The following ARHGAP15 variants were observed in gnomAD, a reference collection of about 807,000 sequenced individuals.
The protein encoded by ARHGAP15 is Rho GTPase activating protein 15, also known as rho GTPase-activating protein 15.
ARHGAP15 carries 51 observed loss-of-function variants against 63.7 expected under a neutral mutation model. The observed-to-expected ratio is 0.80, with a 90% CI of 0.64 to 1.01. The LOEUF (loss-of-function observed/expected upper bound fraction) is 1.01. Among genes scored for constraint, ARHGAP15 ranks in the 50% least tolerant of loss-of-function variants. The pLI is 0.00. For missense variants in ARHGAP15, 560 were observed against 564.6 expected, an observed-to-expected ratio of 0.99 and a Z score of 0.08; for synonymous variants, 191 against 193.8, an observed-to-expected ratio of 0.99 and a Z score of 0.12.
intron 6 of ARHGAP15, among the ~76,000 whole-genome samples, chr2:143,271,692 A>T (rs1020255937): frequency 8.5e-5 from 13 of 152,130 alleles, no homozygotes; most frequent in African/African-American, 3.1e-4. Flanking sequence ...TAGTCGGGAT[A>T]GTCTCGCGCT....
chr2:143,546,580 G>A (rs1695340815), intron 10 of ARHGAP15, among the ~76,000 whole-genome samples: 1 of 152,080 alleles, frequency 6.6e-6, no homozygotes, highest in Non-Finnish European at 1.5e-5. Flanking sequence ...CCACCCCACT[G>A]CTGTGTAGAT....
chr2:143,764,949 C>G (rs1210342726), intron 13 of ARHGAP15, among the ~76,000 whole-genome samples: 1 of 152,146 alleles, frequency 6.6e-6, no homozygotes, highest in Non-Finnish European at 1.5e-5. Flanking sequence ...TTGCTTCTAC[C>G]TTCTCCATGG....
intron 6 of ARHGAP15, among the ~76,000 whole-genome samples, chr2:143,346,942 TG>T (rs1470665205): frequency 1.3e-5 from 2 of 152,094 alleles, no homozygotes; most frequent in Admixed American, 1.3e-4. Context: ...CTCTACAATT[TG>T]CTTCAGGGCA....
intron 6 of ARHGAP15, among the ~76,000 whole-genome samples, chr2:143,314,107 C>A (rs1683584909): frequency 6.6e-6 from 1 of 152,194 alleles, no homozygotes; most frequent in East Asian, 1.9e-4. Context: ...AGAAATTTAA[C>A]TGGCAGCCCA....
intron 12 of ARHGAP15, among the ~76,000 whole-genome samples, chr2:143,637,674 C>T (rs1242691091): frequency 6.6e-6 from 1 of 150,466 alleles, no homozygotes; most frequent in African/African-American, 2.5e-5. Flanking sequence ...CCATTTAAAA[C>T]AATGGAGCAG....
rs1685542541 is a variant in ARHGAP15 at position 143,350,954 on chromosome 2, CT to C, written c.475-84644del. On this transcript the variant is annotated intron_variant, in intron 6 of 13. Transcript: ENST00000295095. ...GGTTCTCTTTATGTATCTTACTGGT[CT>C]TTATTAAAATATCTATTATAGTATG... is the stretch of plus-strand genomic sequence containing the variant. 3.3e-5 allele frequency: 5 copies of C among 150,126 alleles called. No individual in the cohort carries two copies. In the South Asian group the frequency reaches 1.1e-3, roughly 32 times the overall value. 9.3% of individuals were successfully genotyped at this position (150,126 alleles called of 1,614,324 possible).
At chr2:143,561,535 G>A (rs182499842) in intron 11 of ARHGAP15, among the ~76,000 whole-genome samples, 1,866 of 148,854 alleles carry the variant, frequency 0.013, 29 homozygotes, top group South Asian at 0.045. Context: ...TTTTTGAGAC[G>A]GAGTCTCGGT....
chr2:143,436,788 G>T, intron 7 of ARHGAP15, 125 bp from the exon 8 acceptor site: 1 of 869,446 alleles, frequency 1.2e-6, no homozygotes, highest in South Asian at 1.6e-5. Flanking sequence ...TAGCATAGAG[G>T]ACCTATCCTC....
intron 13 of ARHGAP15, among the ~76,000 whole-genome samples, chr2:143,745,486 C>CT (rs1321984195): frequency 6.6e-6 from 1 of 152,174 alleles, no homozygotes; most frequent in Non-Finnish European, 1.5e-5. Flanking sequence ...CACCCTCATG[C>CT]TTCCAAGAGA....
intron 7 of ARHGAP15, among the ~76,000 whole-genome samples, chr2:143,436,140 GTTC>G (rs1431961282): frequency 3.3e-5 from 5 of 151,944 alleles, no homozygotes; most frequent in African/African-American, 9.7e-5. Context: ...AAGCTAGATT[GTTC>G]TTCTTATGAA....
rs535946480 is a variant in ARHGAP15 at position 143,180,924 on chromosome 2, G to A, written c.166-21210G>A. Among the ~76,000 whole-genome samples the A allele has an allele frequency of 5.3e-5, 8 of 152,106 alleles. No homozygotes were observed. In the South Asian group the frequency reaches 1.0e-3, roughly 20 times the overall value. On this transcript the variant is annotated intron_variant, in intron 2 of 13. Transcript: ENST00000295095. Reference sequence around the variant, plus strand: ...TCCTGACCTCGTGATCCGTCGCCTCGGCCTCCCAAAGTGCTGGGATTACAG... The same window carrying A: ...TCCTGACCTCGTGATCCGTCGCCTCAGCCTCCCAAAGTGCTGGGATTACAG...
At chr2:143,235,795 C>A in intron 5 of ARHGAP15, 1 of 838,860 alleles carries the variant, frequency 1.2e-6, no homozygotes, top group South Asian at 3.4e-5. Flanking sequence ...CAGGAGTTGT[C>A]TGTTTGATTT....
intron 12 of ARHGAP15, among the ~76,000 whole-genome samples, chr2:143,654,558 C>T (rs1262242708): frequency 6.6e-6 from 1 of 152,098 alleles, no homozygotes; most frequent in East Asian, 1.9e-4. Context: ...TGCTAAAATG[C>T]ATCACATACT....
At position 143,703,472 on chromosome 2, in the gene ARHGAP15, C is replaced by A; in HGVS notation, c.1192C>A (p.Leu398Ile). ...AGCTGTAAAATCTCTTGTACAAAAA[C>A]TCCCTCCGCCAAATCGTGACACCAT... is the stretch of plus-strand genomic sequence containing the variant. ...IEAVKSLVQK[L>I]PPPNRDTMKV... is the part of the protein sequence containing the mutation. The change falls in exon 13 of 14, where the codon CTC (leucine) becomes ATC (isoleucine). Residue 398 changes from leucine to isoleucine, a missense_variant. Transcript: ENST00000295095. 20 of 1,612,330 alleles carry A rather than the reference C, an allele frequency of 1.2e-5. No homozygotes were observed. Among genetic ancestry groups the A allele is most frequent in the Non-Finnish European group, 1.7e-5 (20 of 1,179,238 alleles).
At position 143,216,449 on chromosome 2, in the gene ARHGAP15, A is replaced by G; in HGVS notation, c.296+4A>G. 1 of 1,593,246 alleles carries G rather than the reference A, an allele frequency of 6.3e-7. No individual in the cohort carries two copies. The highest frequency in any genetic ancestry group is 8.6e-7 in the Non-Finnish European group (1 of 1,165,342). The stretch of plus-strand genomic sequence containing the variant: ...CAGATGGAGGAAAGAAACTAAGGTA[A>G]TAAAATTCTTTAATTCACTTTTATA... On this transcript the variant is annotated splice_donor_region_variant and intron_variant, in intron 4 of 13. Coordinates refer to ENST00000295095, the MANE Select transcript of ARHGAP15 (RefSeq NM_018460.4).
At position 143,671,313 on chromosome 2, in the gene ARHGAP15, T is replaced by C. The variant is rs192806849; in HGVS notation, c.1139-32106T>C. The stretch of plus-strand genomic sequence containing the variant: ...TATGCATGTATAGTACTCTGAGTAT[T>C]TCTACTTGAGTGGCTGCCTGGAAGA... On this transcript the variant is annotated intron_variant, in intron 12 of 13. Transcript: ENST00000295095. 2.6e-5 allele frequency among the ~76,000 whole-genome samples: 4 copies of C among 152,276 alleles called. No individual in the cohort carries two copies. The East Asian group carries it at 5.8e-4, about 22-fold the overall frequency.
intron 12 of ARHGAP15, among the ~76,000 whole-genome samples, chr2:143,675,430 G>A (rs1385262457): frequency 6.6e-6 from 1 of 152,038 alleles, no homozygotes; most frequent in East Asian, 1.9e-4. Context: ...TTTCAATAAG[G>A]CTTTCAATTT....
rs150572849 is a variant in ARHGAP15, at chr2:143,462,809, GGACA to G, written c.704-24551_704-24548del. 1.6e-3 allele frequency among the ~76,000 whole-genome samples: 246 copies of G among 152,052 alleles called. 3 individuals are homozygous for G. The East Asian group carries it at 0.02, about 12-fold the overall frequency. On this transcript the variant is annotated intron_variant, in intron 8 of 13. Coordinates refer to ENST00000295095, the MANE Select transcript of ARHGAP15 (RefSeq NM_018460.4). ...TGGATGGATGGATGGATGGACAGAC[GGACA>G]GACAGACAGACAAAAAGATTTTTCC...
chr2:143,668,280 CTTTTTTTT>C (rs60232406), intron 12 of ARHGAP15, among the ~76,000 whole-genome samples: 1 of 145,656 alleles, frequency 6.9e-6, no homozygotes, highest in Non-Finnish European at 1.5e-5. Context: ...ATTCTATTTT[CTTTTTTTT>C]TTTTTCTTTT....
Sources: allele counts gnomAD v4.1 joint callset (sites outside exome capture counted in the v4.1 genomes callset), GRCh38; gene constraint gnomAD v4.1.1; transcripts MANE v1.5; gene names NCBI Gene and HGNC (gene_info 2026-07-23, HGNC 2026-07-21).